Variants in TENM2 observed in about 807,000 individuals in gnomAD.
TENM2 encodes the protein teneurin transmembrane protein 2.
Under a neutral mutation model 245.2 loss-of-function variants are expected in TENM2, and 52 were observed. The ratio of observed to expected loss-of-function variants is 0.21; its 90% CI spans 0.17 to 0.27. The LOEUF is 0.27. TENM2 is among the 10% of genes least tolerant of loss of function. The pLI, the probability that TENM2 is intolerant of heterozygous loss-of-function variation, is 1.00. For missense variants in TENM2, 3,046 were observed against 3,666.8 expected, an observed-to-expected ratio of 0.83 and a Z score of 4.37; for synonymous variants, 1,363 against 1,438.9, an observed-to-expected ratio of 0.95 and a Z score of 1.19.
chr5:167,272,052 A>G, the TENM2 span, among the ~76,000 whole-genome samples: 16,402 of 152,138 alleles, frequency 0.11, 1,053 homozygotes, highest in East Asian at 0.18. Context: ...AGTGTGTCTA[A>G]GAGGAGACTG....
At chr5:167,881,793 C>T (rs1773899558) in intron 3 of TENM2, among the ~76,000 whole-genome samples, 1 of 152,168 alleles carries the variant, frequency 6.6e-6, no homozygotes, top group Non-Finnish European at 1.5e-5. Flanking sequence ...CAGAAACAGC[C>T]ATCCCTCTTG....
At chr5:167,792,162 T>G (rs1036583588) in intron 2 of TENM2, among the ~76,000 whole-genome samples, 1 of 152,268 alleles carries the variant, frequency 6.6e-6, no homozygotes. Context: ...CTAAGCCCTC[T>G]AGGCAAATAA....
At chr5:167,304,355 C>G (rs534246786) in intron 1 of TENM2, among the ~76,000 whole-genome samples, 1 of 152,310 alleles carries the variant, frequency 6.6e-6, no homozygotes, top group East Asian at 1.9e-4. Context: ...TCTTGCTCTT[C>G]TGAATCGCTT....
At chr5:167,807,676 A>C (rs1185704717) in intron 2 of TENM2, among the ~76,000 whole-genome samples, 1 of 151,848 alleles carries the variant, frequency 6.6e-6, no homozygotes, top group East Asian at 1.9e-4. Context: ...TGTGTGACTT[A>C]GGGAAGAGGC....
chr5:167,762,260 C>T (rs1762728758), intron 2 of TENM2, among the ~76,000 whole-genome samples: 1 of 152,166 alleles, frequency 6.6e-6, no homozygotes, highest in Admixed American at 6.5e-5. Context: ...ACAAAAGATC[C>T]CCTCCTGCAC....
At chr5:167,693,941 C>A (rs549143761) in intron 2 of TENM2, among the ~76,000 whole-genome samples, 34 of 152,214 alleles carry the variant, frequency 2.2e-4, no homozygotes, top group African/African-American at 6.5e-4. Context: ...AAGAGCCCAG[C>A]ACAATCATTC....
intron 2 of TENM2, among the ~76,000 whole-genome samples, chr5:167,776,616 A>AAAAAAAAAC (rs1763811189): frequency 3.0e-5 from 3 of 98,902 alleles, no homozygotes; most frequent in African/African-American, 1.3e-4. Context: ...AAAAAAAAAA[A>AAAAAAAAAC]AAAAAAAAAA....
the TENM2 span, among the ~76,000 whole-genome samples, chr5:167,274,032 C>T: frequency 3.3e-5 from 5 of 152,070 alleles, no homozygotes; most frequent in Admixed American, 6.6e-5. Flanking sequence ...ATAGCAACAT[C>T]TTGCACACTG....
chr5:168,225,468 AAAAC>A (rs1194385865), intron 23 of TENM2, among the ~76,000 whole-genome samples: 1 of 152,226 alleles, frequency 6.6e-6, no homozygotes, highest in Non-Finnish European at 1.5e-5. Context: ...CCTAAATTAA[AAAAC>A]AAGAGAGGGC....
At chr5:167,080,021 A>T in the TENM2 span, among the ~76,000 whole-genome samples, 1 of 152,242 alleles carries the variant, frequency 6.6e-6, no homozygotes, top group Non-Finnish European at 1.5e-5. Context: ...AAGTTCAGAC[A>T]GACAGCTTTT....
intron 2 of TENM2, among the ~76,000 whole-genome samples, chr5:167,678,600 A>G (rs1756493952): frequency 6.6e-6 from 1 of 152,070 alleles, no homozygotes; most frequent in African/African-American, 2.4e-5. Flanking sequence ...ACTGCATCTC[A>G]TTTGAGGGCA....
chr5:167,795,511 G>A (rs1765255276), intron 2 of TENM2, among the ~76,000 whole-genome samples: 1 of 152,062 alleles, frequency 6.6e-6, no homozygotes, highest in Admixed American at 6.6e-5. Flanking sequence ...GTTAGATTTT[G>A]CAAGGGAATG....
intron 2 of TENM2, among the ~76,000 whole-genome samples, chr5:167,646,408 AG>A (rs575427049): frequency 6.6e-6 from 1 of 151,898 alleles, no homozygotes; most frequent in South Asian, 2.1e-4. Flanking sequence ...TACTTATGAA[AG>A]ATGTTATTAA....
At chr5:167,237,696 T>A in the TENM2 span, among the ~76,000 whole-genome samples, 2 of 152,050 alleles carry the variant, frequency 1.3e-5, no homozygotes, top group Admixed American at 6.5e-5. Context: ...ATCACCAAGA[T>A]GATAGGAGAA....
At chr5:167,116,248 A>G in the TENM2 span, 1 of 152,228 alleles carries the variant, frequency 6.6e-6, no homozygotes, top group Non-Finnish European at 1.5e-5. Context: ...AAGGAGAGGA[A>G]GGAAGGCAGA....
At chr5:168,233,814 C>T (rs1317895261) in intron 25 of TENM2, among the ~76,000 whole-genome samples, 2 of 152,164 alleles carry the variant, frequency 1.3e-5, no homozygotes. Flanking sequence ...AAAGGCACTT[C>T]TTACTTGACG....
chr5:168,109,452 C>CT (rs1794500169), intron 9 of TENM2, among the ~76,000 whole-genome samples: 1 of 152,212 alleles, frequency 6.6e-6, no homozygotes, highest in South Asian at 2.1e-4. Context: ...GAAACTGAAT[C>CT]TCAGAGAGAT....
At chr5:167,652,218 A>G (rs144653845) in intron 2 of TENM2, among the ~76,000 whole-genome samples, 5 of 152,146 alleles carry the variant, frequency 3.3e-5, no homozygotes, top group African/African-American at 1.2e-4. Flanking sequence ...CCTTAAATGC[A>G]CTTTCTCTAT....
chr5:167,650,041 C>T (rs1363573905), intron 2 of TENM2, among the ~76,000 whole-genome samples: 2 of 152,192 alleles, frequency 1.3e-5, no homozygotes, highest in East Asian at 1.9e-4. Context: ...GGAAGATAGA[C>T]AGCCTGTACC....
Sources: gnomAD v4.1 joint callset for allele counts (sites outside exome capture counted in the v4.1 genomes callset) on GRCh38, gnomAD v4.1.1 for gene constraint, MANE v1.5 for transcripts, NCBI Gene and HGNC (gene_info 2026-07-23, HGNC 2026-07-21) for gene names.